CDH15: variants seen among roughly 807,000 people sequenced by gnomAD.
CDH15 encodes cadherin-15.
A neutral mutation model predicts 69.4 loss-of-function variants in CDH15; 73 were observed. That is an observed-to-expected ratio of 1.05 (90% CI 0.87 to 1.28). The LOEUF (loss-of-function observed/expected upper bound fraction) is 1.28. Ranked by LOEUF, CDH15 falls within the 50% of genes most tolerant of loss-of-function variation. The probability of loss-of-function intolerance (pLI) is 0.00; values close to 1 mark genes in which losing one functional copy is unlikely to be tolerated. For missense variants in CDH15, 1,343 were observed against 1,133.6 expected, an observed-to-expected ratio of 1.18 and a Z score of -2.65; for synonymous variants, 624 against 507.7, an observed-to-expected ratio of 1.23 and a Z score of -3.08.
At chr16:89,179,093 C>T (rs1455347158) in intron 1 of CDH15, among the ~76,000 whole-genome samples, 3 of 152,238 alleles carry the variant, frequency 2.0e-5, no homozygotes, top group Non-Finnish European at 2.9e-5. Flanking sequence ...CCCATGCACT[C>T]GCCAGGGGCT....
chr16:89,171,799 G>T lies in CDH15; in HGVS notation c.-33G>T. On this transcript the variant is annotated 5_prime_UTR_variant, in exon 1 of 14. Coordinates refer to ENST00000289746, the MANE Select transcript of CDH15 (RefSeq NM_004933.3). ...CTGGACGCGCTTCTTCGGGTCGCGG[G>T]TGCACTCCGGCCCGGCTCCCGCCTC... 3 of 1,544,986 alleles carry T rather than the reference G, an allele frequency of 1.9e-6. No individual in the cohort carries two copies. Among genetic ancestry groups the T allele is most frequent in the Non-Finnish European group, 2.6e-6 (3 of 1,148,386 alleles).
At chr16:89,180,129 T>G in intron 2 of CDH15, 71 bp from the exon 3 acceptor site, 1 of 1,556,776 alleles carries the variant, frequency 6.4e-7, no homozygotes, top group Non-Finnish European at 8.8e-7. Context: ...GGGAGGGGCC[T>G]GAGGGGCTGC....
At chr16:89,174,345 C>T (rs1277149020) in intron 1 of CDH15, among the ~76,000 whole-genome samples, 1 of 152,100 alleles carries the variant, frequency 6.6e-6, no homozygotes, top group East Asian at 1.9e-4. Context: ...TTCGCACTCT[C>T]TTCCCAGGCA....
In CDH15 at chr16:89,185,103, C is replaced by T. The variant is rs1473681168; in HGVS notation, c.503-70C>T. On this transcript the variant is annotated intron_variant, in intron 4 of 13. Coordinates refer to ENST00000289746, the MANE Select transcript of CDH15 (RefSeq NM_004933.3). ...AGCCTGTGCACACGAGGTGCCCCCACGCCCCTCACAATGCCCCCAGCCCAT... is the reference window on the plus strand; with the variant it reads ...AGCCTGTGCACACGAGGTGCCCCCATGCCCCTCACAATGCCCCCAGCCCAT... The T allele has an allele frequency of 3.5e-5, 50 of 1,432,552 alleles. No individual in the cohort carries two copies. In the Admixed American group the frequency reaches 6.5e-4, roughly 19 times the overall value. The allele number at this position is 1,432,552 out of a possible 1,614,324, so 88.7% of individuals were successfully genotyped here.
rs772069620 is a variant in CDH15 at position 89,190,374 on chromosome 16, C to T, written c.1110C>T (p.Asn370=). The T allele has an allele frequency of 2.4e-5, 39 of 1,612,806 alleles. No individual in the cohort carries two copies. Among genetic ancestry groups the T allele is most frequent in the Admixed American group, 5.0e-5 (3 of 59,968 alleles). ...AKVRVHVQDT[N]EPPVFQENPL... is the part of the protein sequence containing the mutation. ...TCCGCGTGCATGTGCAGGACACCAA[C>T]GAGCCCCCCGTGTTCCAGGAGAACC... Residue 370 remains asparagine, a synonymous_variant, in exon 8 of 14, where the codon AAC becomes AAT. Coordinates refer to ENST00000289746, the MANE Select transcript of CDH15 (RefSeq NM_004933.3).
intron 11 of CDH15, among the ~76,000 whole-genome samples, chr16:89,192,952 GCAA>G: frequency 3.7e-5 from 1 of 27,310 alleles, no homozygotes; most frequent in East Asian, 9.5e-4. Flanking sequence ...CACCTCCTCC[GCAA>G]CACCACCCAC....
rs1029097997 is a variant in CDH15 at position 89,192,414 on chromosome 16, A to G, written c.1825A>G (p.Ile609Val). 4.4e-5 allele frequency: 68 copies of G among 1,547,190 alleles called. No individual in the cohort carries two copies. Among genetic ancestry groups the G allele is most frequent in the Non-Finnish European group, 4.2e-5 (48 of 1,153,560 alleles). Reference protein sequence around the residue: ...GTGLSLGALVIVLASALLLLV... With the variant: ...GTGLSLGALVVVLASALLLLV... Reference sequence around the variant, plus strand: ...AGGCCTCAGCCTGGGCGCACTGGTCATCGTGCTGGCCAGCGCCCTCCTGCT... The same window carrying G: ...AGGCCTCAGCCTGGGCGCACTGGTCGTCGTGCTGGCCAGCGCCCTCCTGCT... Residue 609 changes from isoleucine to valine, a missense_variant, in exon 11 of 14, where the codon ATC becomes GTC. By Grantham distance (29) the Ile-to-Val change is conservative. Transcript: ENST00000289746.
At position 89,187,569 on chromosome 16, in the gene CDH15, G is replaced by C. The variant is rs907983609; in HGVS notation, c.792+12G>C. The stretch of plus-strand genomic sequence containing the variant: ...TCACCAGGGATGAGGTGCTGCTGCT[G>C]TCCCTCCCTCGAAAGTAGCCCCTGC... On this transcript the variant is annotated intron_variant, in intron 6 of 13. Coordinates refer to ENST00000289746, the MANE Select transcript of CDH15 (RefSeq NM_004933.3). The C allele has an allele frequency of 3.7e-6, 6 of 1,613,274 alleles. No individual in the cohort carries two copies. The Admixed American group carries it at 6.7e-5, about 18-fold the overall frequency.
intron 7 of CDH15, among the ~76,000 whole-genome samples, chr16:89,189,495 G>T (rs1915590838): frequency 6.6e-6 from 1 of 152,244 alleles, no homozygotes; most frequent in Admixed American, 6.5e-5. Context: ...CCTTGGGTGA[G>T]AGAGAGTGGG....
At chr16:89,191,216 G>A in intron 8 of CDH15, 114 bp from the exon 9 acceptor site, 8 of 1,183,812 alleles carry the variant, frequency 6.8e-6, no homozygotes, top group Non-Finnish European at 8.7e-6. Context: ...GCATGCATGT[G>A]GTATGTATGT....
Position 89,172,286 on chromosome 16 carries a change from C to T in CDH15, c.42+413C>T, listed in dbSNP as rs536497715. ...GCCAGGTTTCTATAGGGACTCCCTG[C>T]GGTGGGCACAGGACCCCTGGCTAGT... On this transcript the variant is annotated intron_variant, in intron 1 of 13. Transcript: ENST00000289746. Among the ~76,000 whole-genome samples, 212 of 152,184 alleles carry T rather than the reference C, an allele frequency of 1.4e-3. 1 individual carries two copies. The highest frequency in any genetic ancestry group is 2.7e-3 in the Non-Finnish European group (186 of 67,958).
Position 89,179,471 on chromosome 16 carries a change from C to T in CDH15, c.98C>T (p.Pro33Leu). ...PGWRRPTTLY[P>L]WRRAPALSRV... is the part of the protein sequence containing the mutation. Reference sequence around the variant, plus strand: ...TGGAGGAGGCCCACCACCCTGTACCCCTGGCGCCGGGCGCCTGCCCTGAGC... The same window carrying T: ...TGGAGGAGGCCCACCACCCTGTACCTCTGGCGCCGGGCGCCTGCCCTGAGC... The change falls in exon 2 of 14, where the codon CCC becomes CTC. Residue 33 changes from proline to leucine, a missense_variant. Pro to Leu is a moderately conservative substitution (Grantham distance 98). Transcript: ENST00000289746. 7 of 1,613,602 alleles carry T rather than the reference C, an allele frequency of 4.3e-6. No homozygotes were observed. Among genetic ancestry groups the T allele is most frequent in the Non-Finnish European group, 5.9e-6 (7 of 1,179,916 alleles).
Position 89,185,264 on chromosome 16 carries a change from C to T in CDH15, c.594C>T (p.Ser198=). The T allele has an allele frequency of 3.7e-6, 6 of 1,605,876 alleles. No individual in the cohort carries two copies. The highest frequency in any genetic ancestry group is 5.1e-6 in the Non-Finnish European group (6 of 1,176,520). The change falls in exon 5 of 14, where the codon AGC becomes AGT. Residue 198 remains serine (S), a synonymous_variant. Coordinates refer to ENST00000289746, the MANE Select transcript of CDH15 (RefSeq NM_004933.3). ...ALRFSILQQG[S]PELFSIDELT... is the part of the protein sequence containing the mutation. The stretch of plus-strand genomic sequence containing the variant: ...GGTTCTCCATCCTGCAGCAGGGCAG[C>T]CCCGAGCTCTTCAGCATCGACGAGC...
Position 89,191,360 on chromosome 16 carries a change from G to A in CDH15, c.1263G>A (p.Trp421Ter). Reference protein sequence around the residue: ...SYSKDYDPEDWLQVDAATGRI... With the variant: ...SYSKDYDPED ...CCAAGGACTACGACCCGGAAGACTG[G>A]CTGCAAGTGGACGCAGCCACTGGCC... The change falls in exon 9 of 14, where the codon TGG becomes TGA. Residue 421 changes from tryptophan to a stop codon, truncating the protein, a stop_gained. Transcript: ENST00000289746. LOFTEE classifies it high-confidence loss of function. The A allele has an allele frequency of 1.2e-6, 2 of 1,612,618 alleles. No individual in the cohort carries two copies. Among genetic ancestry groups the A allele is most frequent in the Admixed American group, 1.7e-5 (1 of 60,018 alleles).
chr16:89,188,155 T>A lies in CDH15; in HGVS notation c.848T>A (p.Val283Glu). ...VSGVDVGRLE[V>E]EDRDLPGSPN... is the part of the protein sequence containing the mutation. Reference sequence around the variant, plus strand: ...GGAGTGGATGTGGGACGCCTGGAAGTGGAGGACAGGGACCTGCCAGGCTCC... The same window carrying A: ...GGAGTGGATGTGGGACGCCTGGAAGAGGAGGACAGGGACCTGCCAGGCTCC... Residue 283 changes from valine (V) to glutamate (E), a missense_variant, in exon 7 of 14, where the codon GTG becomes GAG. Physicochemically the swap from Val to Glu is moderately radical, Grantham distance 121 (BLOSUM62 -2). Coordinates refer to ENST00000289746, the MANE Select transcript of CDH15 (RefSeq NM_004933.3). 6.2e-7 allele frequency: 1 copy of A among 1,613,336 alleles called. No homozygotes were observed. The highest frequency in any genetic ancestry group is 8.5e-7 in the Non-Finnish European group (1 of 1,179,858).
intron 2 of CDH15, 42 bp from the exon 3 acceptor site, chr16:89,180,158 C>T (rs773188179): frequency 1.6e-5 from 26 of 1,605,042 alleles, no homozygotes; most frequent in African/African-American, 4.0e-5. Context: ...CAGAGGCCCC[C>T]GCCCGGAGCA....
Position 89,195,065 on chromosome 16 carries a change from G to A in CDH15, c.2355G>A (p.Gly785=). Residue 785 remains glycine (G), a synonymous_variant, in exon 14 of 14, where the codon GGG becomes GGA. Coordinates refer to ENST00000289746, the MANE Select transcript of CDH15 (RefSeq NM_004933.3). ...RLADMYGHPC[G]LEYGARWDHQ... ...CAGACATGTATGGGCACCCGTGCGGGTTGGAGTACGGGGCCAGATGGGACC... is the reference window on the plus strand; with the variant it reads ...CAGACATGTATGGGCACCCGTGCGGATTGGAGTACGGGGCCAGATGGGACC... The A allele has an allele frequency of 6.2e-7, 1 of 1,612,502 alleles. No individual in the cohort carries two copies. Among genetic ancestry groups the A allele is most frequent in the East Asian group, 2.2e-5 (1 of 44,882 alleles).
In CDH15 at chr16:89,193,764, G is replaced by T; in HGVS notation, c.2002G>T (p.Asp668Tyr). ...GGGEEDQDAY[D>Y]ISQLRHPTAL... ...ACCTCCTCGCCCACAGGACGCCTAC[G>T]ACATCAGCCAGCTGCGTCACCCGAC... The change falls in exon 13 of 14, where the codon GAC becomes TAC. Residue 668 changes from aspartate to tyrosine, a missense_variant. Transcript: ENST00000289746. The T allele has an allele frequency of 6.2e-7, 1 of 1,603,954 alleles. No homozygotes were observed. Among genetic ancestry groups the T allele is most frequent in the East Asian group, 2.2e-5 (1 of 44,726 alleles).
In CDH15 at chr16:89,187,467, C is replaced by G; in HGVS notation, c.702C>G (p.Asp234Glu). 1 of 1,613,600 alleles carries G rather than the reference C, an allele frequency of 6.2e-7. No individual in the cohort carries two copies. Among genetic ancestry groups the G allele is most frequent in the Non-Finnish European group, 8.5e-7 (1 of 1,180,030 alleles). Reference sequence around the variant, plus strand: ...ACAATCTGACCCTGCAGGTGGCGGACATGTCTGGAGACGGCCTCACAGCCA... The same window carrying G: ...ACAATCTGACCCTGCAGGTGGCGGAGATGTCTGGAGACGGCCTCACAGCCA... The part of the protein sequence containing the change: ...AVYNLTLQVA[D>E]MSGDGLTATA... The change falls in exon 6 of 14, where the codon GAC becomes GAG. Residue 234 changes from aspartate to glutamate, a missense_variant. Physicochemically the swap from Asp to Glu is conservative, Grantham distance 45. Coordinates refer to ENST00000289746, the MANE Select transcript of CDH15 (RefSeq NM_004933.3).
Sources: gnomAD v4.1 joint callset for allele counts (sites outside exome capture counted in the v4.1 genomes callset) on GRCh38, gnomAD v4.1.1 for gene constraint, MANE v1.5 for transcripts, NCBI Gene and HGNC (gene_info 2026-07-23, HGNC 2026-07-21) for gene names.